The following FBXO36 variants were observed in gnomAD, a reference collection of about 807,000 sequenced individuals.
The protein encoded by FBXO36 is F-box only protein 36.
A neutral mutation model predicts 17.0 loss-of-function variants in FBXO36; 18 were observed. The ratio of observed to expected loss-of-function variants is 1.06; its 90% CI spans 0.73 to 1.57. The LOEUF (loss-of-function observed/expected upper bound fraction) is 1.57, where lower values mean the gene tolerates loss of function less well. FBXO36 is among the 40% of genes most tolerant of loss of function. FBXO36 has a pLI of 0.00. For missense variants in FBXO36, 229 were observed against 221.9 expected (o/e 1.03, Z -0.20); for synonymous variants, 83 against 85.3 (o/e 0.97, Z 0.15).
chr2:229,975,392 A>C (rs1436331452), intron 1 of FBXO36, among the ~76,000 whole-genome samples: 11 of 152,034 alleles, frequency 7.2e-5, no homozygotes, highest in Non-Finnish European at 2.9e-5. Flanking sequence ...AAATTATGGA[A>C]TGTTTATTCT....
intron 2 of FBXO36, among the ~76,000 whole-genome samples, chr2:229,980,615 G>A (rs1049050132): frequency 4.0e-5 from 6 of 151,704 alleles, no homozygotes; most frequent in African/African-American, 1.5e-4. Context: ...TGGGGGGAGG[G>A]GTCAAGCTCC....
chr2:229,965,968 T>C (rs1416183594), intron 1 of FBXO36, among the ~76,000 whole-genome samples: 1 of 152,234 alleles, frequency 6.6e-6, no homozygotes, highest in Non-Finnish European at 1.5e-5. Flanking sequence ...TCTTCCACAA[T>C]GGTTGAACTA....
intron 2 of FBXO36, among the ~76,000 whole-genome samples, chr2:229,992,036 C>T (rs1378328884): frequency 2.0e-5 from 3 of 152,172 alleles, no homozygotes; most frequent in African/African-American, 7.2e-5. Context: ...CTTCCTTTAG[C>T]TTGTCTCTTT....
chr2:229,922,979 A>G (rs1329141240), intron 1 of FBXO36, among the ~76,000 whole-genome samples: 1 of 152,298 alleles, frequency 6.6e-6, no homozygotes, highest in East Asian at 1.9e-4. Context: ...GACTCAGCCA[A>G]GTGTCCCAAG....
intron 1 of FBXO36, among the ~76,000 whole-genome samples, chr2:229,975,377 TC>T (rs2077202067): frequency 6.6e-6 from 1 of 151,946 alleles, no homozygotes; most frequent in Non-Finnish European, 1.5e-5. Context: ...TGGAATTAGC[TC>T]CCCAAATTAT....
Position 229,979,415 on chromosome 2 carries a change from T to C in FBXO36, c.205+3066T>C, listed in dbSNP as rs530016320. Among the ~76,000 whole-genome samples the C allele has an allele frequency of 2.6e-5, 4 of 152,030 alleles. No homozygotes were observed. The East Asian group carries it at 7.7e-4, about 29-fold the overall frequency. On this transcript the variant is annotated intron_variant, in intron 2 of 3. Transcript: ENST00000283946. ...ATGTGTGTGTATATATATATATAAATGTGATAGTTTGTTGTTGTTTTTTGT... is the reference window on the plus strand; with the variant it reads ...ATGTGTGTGTATATATATATATAAACGTGATAGTTTGTTGTTGTTTTTTGT...
chr2:229,948,761 C>T (rs533379560), intron 1 of FBXO36, among the ~76,000 whole-genome samples: 83 of 152,274 alleles, frequency 5.5e-4, no homozygotes, highest in South Asian at 4.1e-3. Context: ...CTGAAAGTGA[C>T]GGAAAACCCA....
chr2:229,969,658 A>G (rs1344804682), intron 1 of FBXO36, among the ~76,000 whole-genome samples: 9 of 152,198 alleles, frequency 5.9e-5, no homozygotes, highest in African/African-American at 1.4e-4. Context: ...ACCACACTCC[A>G]GTCTGGGTGA....
At chr2:229,965,147 C>CT (rs34600346) in intron 1 of FBXO36, among the ~76,000 whole-genome samples, 49,251 of 121,110 alleles carry the variant, frequency 0.41, 11,809 homozygotes, top group Middle Eastern at 0.51. Context: ...TTCTTCCTTC[C>CT]TTTTTTTTTT....
chr2:229,930,913 T>C (rs2076935575), intron 1 of FBXO36, among the ~76,000 whole-genome samples: 1 of 152,108 alleles, frequency 6.6e-6, no homozygotes, highest in Non-Finnish European at 1.5e-5. Context: ...TGCGCAAACA[T>C]TCCCTTCCCT....
chr2:229,989,182 A>G (rs1405262686), intron 2 of FBXO36, among the ~76,000 whole-genome samples: 3 of 152,184 alleles, frequency 2.0e-5, no homozygotes. Flanking sequence ...ACTTTCGTCA[A>G]CTTTTGTATG....
chr2:229,997,747 G>A (rs1034470480), intron 3 of FBXO36, among the ~76,000 whole-genome samples: 1 of 152,132 alleles, frequency 6.6e-6, no homozygotes, highest in Non-Finnish European at 1.5e-5. Context: ...AAGCTGACAA[G>A]ATGCATTGTC....
At chr2:229,993,813 C>T (rs982101167) in intron 2 of FBXO36, among the ~76,000 whole-genome samples, 6 of 152,164 alleles carry the variant, frequency 3.9e-5, no homozygotes, top group African/African-American at 1.2e-4. Flanking sequence ...CTCTGTCACT[C>T]AGGCTGGAGT....
intron 3 of FBXO36, among the ~76,000 whole-genome samples, chr2:229,997,967 A>G (rs1157497315): frequency 6.6e-6 from 1 of 152,108 alleles, no homozygotes; most frequent in Non-Finnish European, 1.5e-5. Flanking sequence ...TTTTCCATTA[A>G]ATCTCTTTTT....
At chr2:229,982,188 T>C (rs2077243981) in intron 2 of FBXO36, among the ~76,000 whole-genome samples, 1 of 151,994 alleles carries the variant, frequency 6.6e-6, no homozygotes, top group Non-Finnish European at 1.5e-5. Context: ...CATGCCTGGC[T>C]AATTTTTTTG....
At chr2:229,949,985 A>G (rs1240099986) in intron 1 of FBXO36, among the ~76,000 whole-genome samples, 2 of 152,182 alleles carry the variant, frequency 1.3e-5, no homozygotes, top group African/African-American at 4.8e-5. Context: ...ATGGCAGCCA[A>G]CTGGAAGAAA....
chr2:229,983,458 C>T (rs1410708442), intron 2 of FBXO36, among the ~76,000 whole-genome samples: 1 of 151,694 alleles, frequency 6.6e-6, no homozygotes, highest in East Asian at 1.9e-4. Flanking sequence ...ACCACCATGC[C>T]CAGCCAATTT....
chr2:229,994,232 G>A (rs577167642), intron 2 of FBXO36, among the ~76,000 whole-genome samples: 8 of 152,070 alleles, frequency 5.3e-5, no homozygotes, highest in African/African-American at 1.7e-4. Flanking sequence ...TCTGCTGGTG[G>A]GCAGAGGATC....
At chr2:229,968,100 G>A (rs1200407033) in intron 1 of FBXO36, among the ~76,000 whole-genome samples, 1 of 151,730 alleles carries the variant, frequency 6.6e-6, no homozygotes, top group Non-Finnish European at 1.5e-5. Flanking sequence ...TTTTCAAATG[G>A]CCACCCACTG....
Sources: allele counts gnomAD v4.1 joint callset (sites outside exome capture counted in the v4.1 genomes callset), GRCh38; gene constraint gnomAD v4.1.1; transcripts MANE v1.5; gene names NCBI Gene and HGNC (gene_info 2026-07-23, HGNC 2026-07-21).